ARAP2: variants seen among roughly 807,000 people sequenced by gnomAD.
ARAP2 encodes ArfGAP with RhoGAP domain, ankyrin repeat and PH domain 2.
A neutral mutation model predicts 194.5 loss-of-function variants in ARAP2; 148 were observed. The observed-to-expected ratio is 0.76, with a 90% CI of 0.67 to 0.87. The LOEUF (loss-of-function observed/expected upper bound fraction) is 0.87, where lower values mean the gene tolerates loss of function less well. Among genes scored for constraint, ARAP2 ranks in the 40% least tolerant of loss-of-function variants. ARAP2 has a pLI of 0.00. For missense variants in ARAP2, 2,128 were observed against 1,989.7 expected (o/e 1.07, Z -1.32); for synonymous variants, 695 against 683.5 (o/e 1.02, Z -0.26).
chr4:36,159,486 A>G lies in ARAP2; in HGVS notation c.2462T>C (p.Val821Ala), dbSNP rs1733405803. 6.3e-7 allele frequency: 1 copy of G among 1,582,922 alleles called. No individual in the cohort carries two copies. The highest frequency in any genetic ancestry group is 1.2e-5 in the South Asian group (1 of 86,950). ...ELNKALCAAVVKPDVLETMAL... is the reference protein window; with the variant it reads ...ELNKALCAAVAKPDVLETMAL... The stretch of plus-strand genomic sequence containing the variant: ...CATTGTTTCTAGAACATCCGGTTTC[A>G]CTACAGCAGCACATAGAGCCTGGTC... Residue 821 changes from valine (V) to alanine (A), a missense_variant, in exon 14 of 33, where the codon GTG becomes GCG. Coordinates refer to ENST00000303965, the MANE Select transcript of ARAP2 (RefSeq NM_015230.4).
intron 5 of ARAP2, among the ~76,000 whole-genome samples, chr4:36,032,073 A>G (rs1370903657): frequency 6.6e-6 from 1 of 152,250 alleles, no homozygotes; most frequent in Admixed American, 6.5e-5. Flanking sequence ...TTATTAAAAT[A>G]GTGAAGAAAG....
At chr4:36,166,897 G>C (rs990950792) in intron 10 of ARAP2, 35 bp downstream of exon 10, 1 of 1,343,988 alleles carries the variant, frequency 7.4e-7, no homozygotes, top group African/African-American at 1.5e-5. Flanking sequence ...CTTTCCTATA[G>C]TAGTACGAAC....
intron 29 of ARAP2, among the ~76,000 whole-genome samples, 161 bp downstream of exon 29, chr4:36,083,207 G>C (rs993330419): frequency 6.6e-6 from 1 of 151,928 alleles, no homozygotes; most frequent in Admixed American, 6.6e-5. Flanking sequence ...CAAGTTCCTT[G>C]ATCTGCCATA....
intron 11 of ARAP2, among the ~76,000 whole-genome samples, 162 bp from the exon 12 acceptor site, chr4:36,161,712 C>T (rs1734004997): frequency 6.9e-6 from 1 of 145,758 alleles, no homozygotes; most frequent in South Asian, 2.2e-4. Context: ...GACAAGAGCA[C>T]TAACAGTAGT....
At chr4:36,014,276 A>G (rs1029347759) in intron 8 of ARAP2, among the ~76,000 whole-genome samples, 16 of 144,654 alleles carry the variant, frequency 1.1e-4, no homozygotes, top group Non-Finnish European at 2.1e-4. Flanking sequence ...AAAGAAAGAA[A>G]GAAAGAAAGA....
intron 23 of ARAP2, 54 bp downstream of exon 23, chr4:36,121,125 G>GTTGCAACAGTGACATTTATAAT: frequency 1.5e-6 from 2 of 1,341,124 alleles, no homozygotes; most frequent in South Asian, 3.3e-5. Flanking sequence ...AATATTTGTT[G>GTTGCAACAGTGACATTTATAAT]GCAAACAGTG....
At chr4:36,123,963 T>C (rs1723282614) in intron 22 of ARAP2, among the ~76,000 whole-genome samples, 2 of 151,986 alleles carry the variant, frequency 1.3e-5, no homozygotes, top group South Asian at 4.1e-4. Flanking sequence ...TATAATTCCA[T>C]GCTGCACGCT....
At position 36,229,529 on chromosome 4, in the gene ARAP2, G is replaced by A. The variant is rs16991997; in HGVS notation, c.-43C>T. ...TAAGCTGAGTTACAAAAAGTGGCAC[G>A]ATGAGACACACACACAAGAAGATGT... On this transcript the variant is annotated 5_prime_UTR_variant, in exon 2 of 33. Transcript: ENST00000303965. 6.5e-3 allele frequency: 9,525 copies of A among 1,459,428 alleles called. 334 individuals carry two copies. The African/African-American group carries it at 0.096, about 15-fold the overall frequency. 90.4% of individuals were successfully genotyped at this position (1,459,428 alleles called of 1,614,324 possible). A position where few individuals can be genotyped will look rare whatever the true frequency, so the allele number is the denominator to read the frequency against.
chr4:36,126,480 C>T (rs1296862845), intron 21 of ARAP2, among the ~76,000 whole-genome samples: 3 of 151,958 alleles, frequency 2.0e-5, no homozygotes, highest in Admixed American at 2.0e-4. Context: ...AAGAACAGAT[C>T]ATATGTCATA....
intron 5 of ARAP2, among the ~76,000 whole-genome samples, chr4:36,021,269 G>T (rs1321585064): frequency 6.6e-6 from 1 of 152,094 alleles, no homozygotes; most frequent in African/African-American, 2.4e-5. Flanking sequence ...AGTGTTAAGT[G>T]TACTAAAAAT....
chr4:36,212,789 C>T (rs1747058958), intron 4 of ARAP2, among the ~76,000 whole-genome samples: 1 of 151,650 alleles, frequency 6.6e-6, no homozygotes. Flanking sequence ...TTTTGTCTTC[C>T]AACTTCTCTT....
chr4:36,130,846 G>C (rs1333137881), intron 20 of ARAP2, among the ~76,000 whole-genome samples: 1 of 151,888 alleles, frequency 6.6e-6, no homozygotes, highest in Non-Finnish European at 1.5e-5. Context: ...TGCTGACTAA[G>C]CGTTTGAGAT....
intron 6 of ARAP2, among the ~76,000 whole-genome samples, chr4:36,194,795 T>C (rs1314114247): frequency 6.6e-6 from 1 of 152,214 alleles, no homozygotes. Flanking sequence ...ATTGAATTAA[T>C]TATGAAGTAA....
chr4:36,064,038 T>C (rs1724924924), downstream of ARAP2, among the ~76,000 whole-genome samples: 7 of 152,208 alleles, frequency 4.6e-5, no homozygotes. Flanking sequence ...CAATTATTTT[T>C]GTTTGATTTT....
chr4:36,113,606 T>A (rs902808942), intron 26 of ARAP2, among the ~76,000 whole-genome samples: 1 of 151,926 alleles, frequency 6.6e-6, no homozygotes, highest in African/African-American at 2.4e-5. Context: ...ATTATTTTTT[T>A]TTCTGGAGGT....
intron 1 of ARAP2, among the ~76,000 whole-genome samples, chr4:36,231,366 A>T (rs1333817622): frequency 6.6e-6 from 1 of 151,818 alleles, no homozygotes. Flanking sequence ...TAAATAAAAA[A>T]TTTTAAAAAA....
At chr4:36,040,538 C>A (rs1034135135) in intron 5 of ARAP2, among the ~76,000 whole-genome samples, 2 of 151,612 alleles carry the variant, frequency 1.3e-5, no homozygotes, top group African/African-American at 2.4e-5. Flanking sequence ...CTTTGGAATT[C>A]TCATTTTAGA....
intron 8 of ARAP2, among the ~76,000 whole-genome samples, chr4:36,013,394 A>G (rs2175322): frequency 0.28 from 42,274 of 152,098 alleles, 6,895 homozygotes; most frequent in East Asian, 0.44. Context: ...TCTACTAAAA[A>G]GGGTGAGGAA....
intron 27 of ARAP2, among the ~76,000 whole-genome samples, chr4:36,103,193 T>A (rs1252465880): frequency 6.6e-6 from 1 of 151,822 alleles, no homozygotes; most frequent in African/African-American, 2.4e-5. Context: ...TTCCATAGCA[T>A]CTGTCATATA....
Sources: gnomAD v4.1 joint callset for allele counts (sites outside exome capture counted in the v4.1 genomes callset) on GRCh38, gnomAD v4.1.1 for gene constraint, MANE v1.5 for transcripts, NCBI Gene and HGNC (gene_info 2026-07-23, HGNC 2026-07-21) for gene names.